ZNF221: variants seen among roughly 807,000 people sequenced by gnomAD.
The protein encoded by ZNF221 is zinc finger protein 221.
Under a neutral mutation model 12.6 loss-of-function variants are expected in ZNF221, and 10 were observed. That is an observed-to-expected ratio of 0.79 (90% confidence interval 0.49 to 1.34). ZNF221 has a LOEUF of 1.34. Ranked by LOEUF, ZNF221 falls within the 40% of genes most tolerant of loss-of-function variation. ZNF221 has a pLI of 0.00. For synonymous variants in ZNF221, 232 were observed against 244.0 expected, an observed-to-expected ratio of 0.95 and a Z score of 0.46; for missense variants, 661 against 721.4, an observed-to-expected ratio of 0.92 and a Z score of 0.96.
chr19:43,957,551 A>G (rs1974777154), intron 1 of ZNF221, among the ~76,000 whole-genome samples: 1 of 152,194 alleles, frequency 6.6e-6, no homozygotes, highest in East Asian at 1.9e-4. Flanking sequence ...AATGATCTAA[A>G]GATTTTCACC....
the ZNF221 span, among the ~76,000 whole-genome samples, chr19:43,980,654 C>G: frequency 3.3e-5 from 5 of 152,192 alleles, no homozygotes; most frequent in African/African-American, 9.7e-5. Context: ...GGTGAAATTT[C>G]CACAAGTTCA....
chr19:43,953,387 C>T (rs577424052), intron 1 of ZNF221, among the ~76,000 whole-genome samples: 1 of 152,188 alleles, frequency 6.6e-6, no homozygotes, highest in African/African-American at 2.4e-5. Context: ...GTATGCCACT[C>T]TCCAGGAACC....
chr19:43,955,670 T>C (rs1437190565), intron 1 of ZNF221, among the ~76,000 whole-genome samples: 2 of 152,218 alleles, frequency 1.3e-5, no homozygotes, highest in Non-Finnish European at 2.9e-5. Flanking sequence ...AGTGGGTTTC[T>C]ACCACCATTC....
downstream of ZNF221, among the ~76,000 whole-genome samples, chr19:43,971,756 C>G (rs1003132022): frequency 3.9e-5 from 6 of 152,126 alleles, no homozygotes; most frequent in Admixed American, 2.0e-4. Context: ...GACCCAGATT[C>G]ATAAAGTAAG....
At position 43,967,193 on chromosome 19, in the gene ZNF221, G is replaced by GT. The variant is rs1242402755; in HGVS notation, c.1692dup (p.Lys565Ter). ...CACGGGGGAGAGCGACCCTATAATTGTAAGGAATGTGGAAAGAGCTTTGGC... is the reference window on the plus strand; with the variant it reads ...CACGGGGGAGAGCGACCCTATAATTGTTAAGGAATGTGGAAAGAGCTTTGGC... On this transcript the variant is annotated frameshift_variant, in exon 5 of 5. Coordinates refer to ENST00000587682, the MANE Select transcript of ZNF221 (RefSeq NM_001297588.2). LOFTEE classifies it low-confidence loss of function (END_TRUNC). 6.3e-7 allele frequency: 1 copy of GT among 1,594,182 alleles called. No individual in the cohort carries two copies.
intron 2 of ZNF221, 21 bp downstream of exon 2, chr19:43,962,828 T>G (rs1974869975): frequency 6.2e-7 from 1 of 1,604,804 alleles, no homozygotes; most frequent in Non-Finnish European, 8.5e-7. Flanking sequence ...CTTGCCTCTC[T>G]TGCTGTTAAA....
chr19:43,967,007 G>C lies in ZNF221; in HGVS notation c.1505G>C (p.Gly502Ala), dbSNP rs1326744764. The C allele has an allele frequency of 1.2e-6, 2 of 1,613,604 alleles. No individual in the cohort carries two copies. Among genetic ancestry groups the C allele is most frequent in the South Asian group, 2.2e-5 (2 of 91,034 alleles). The change falls in exon 5 of 5, where the codon GGG becomes GCG. Residue 502 changes from glycine (G) to alanine (A), a missense_variant. Physicochemically the swap from Gly to Ala is moderately conservative, Grantham distance 60. Transcript: ENST00000587682. The stretch of plus-strand genomic sequence containing the variant: ...TTGAAACATCAGAGACTCCACAGTG[G>C]GGAAAAACCTTTCAAATGTGAAGAG... ...CLLKHQRLHSGEKPFKCEECG... is the reference protein window; with the variant it reads ...CLLKHQRLHSAEKPFKCEECG...
chr19:43,953,369 C>T (rs927785402), intron 1 of ZNF221, among the ~76,000 whole-genome samples: 1 of 151,978 alleles, frequency 6.6e-6, no homozygotes, highest in Non-Finnish European at 1.5e-5. Context: ...GCTTCCATAC[C>T]TTCCTGGGTA....
chr19:43,962,304 T>C (rs1161717400), intron 1 of ZNF221, among the ~76,000 whole-genome samples: 1 of 152,202 alleles, frequency 6.6e-6, no homozygotes, highest in Non-Finnish European at 1.5e-5. Context: ...ATTGGACTCC[T>C]TGTGCTTATG....
At chr19:43,963,422 A>C (rs188573292) in intron 2 of ZNF221, among the ~76,000 whole-genome samples, 131 of 152,364 alleles carry the variant, frequency 8.6e-4, no homozygotes, top group Admixed American at 4.2e-3. Flanking sequence ...GGCACAGCAC[A>C]TGAGGCTCTG....
chr19:43,969,422 C>T (rs1221541550), downstream of ZNF221, among the ~76,000 whole-genome samples: 1 of 143,422 alleles, frequency 7.0e-6, no homozygotes, highest in Admixed American at 7.1e-5. Flanking sequence ...GCTCTTGGTT[C>T]ATGGCAACCT....
At chr19:43,965,411 T>C in intron 4 of ZNF221, 86 bp downstream of exon 4, 1 of 1,240,764 alleles carries the variant, frequency 8.1e-7, no homozygotes, top group Non-Finnish European at 1.1e-6. Context: ...CACCCTGGTC[T>C]AAATTGCCAA....
chr19:43,965,680 G>A (rs916689633), intron 4 of ZNF221, 124 bp from the exon 5 acceptor site: 16 of 901,632 alleles, frequency 1.8e-5, no homozygotes, highest in East Asian at 1.0e-4. Context: ...TAGTGCACTC[G>A]GAAAACATGA....
chr19:43,955,994 GT>G (rs1356844196), intron 1 of ZNF221, among the ~76,000 whole-genome samples: 2 of 152,154 alleles, frequency 1.3e-5, no homozygotes, highest in Non-Finnish European at 2.9e-5. Context: ...GGTATTTCAG[GT>G]GTCAAGATTT....
chr19:43,964,808 G>A, intron 2 of ZNF221, 142 bp from the exon 3 acceptor site: 2 of 1,115,992 alleles, frequency 1.8e-6, no homozygotes, highest in Non-Finnish European at 2.6e-6. Context: ...TAGGCAGAAT[G>A]AGTGGGAAAT....
downstream of ZNF221, among the ~76,000 whole-genome samples, chr19:43,970,253 C>G (rs1294802854): frequency 6.6e-6 from 1 of 152,110 alleles, no homozygotes; most frequent in Admixed American, 6.6e-5. Flanking sequence ...CCCACAAAAA[C>G]CCCATTCAAG....
chr19:43,975,448 A>G, the ZNF221 span, among the ~76,000 whole-genome samples: 1 of 152,330 alleles, frequency 6.6e-6, no homozygotes, highest in East Asian at 1.9e-4. Context: ...ACAGAAAACC[A>G]AACACTGCAT....
chr19:43,969,811 C>T (rs926651903), downstream of ZNF221, among the ~76,000 whole-genome samples: 28 of 152,162 alleles, frequency 1.8e-4, no homozygotes, highest in African/African-American at 6.3e-4. Flanking sequence ...CTCTATGGTT[C>T]GGTTGACAAA....
chr19:43,967,025 G>A lies in ZNF221; in HGVS notation c.1523G>A (p.Cys508Tyr). ...RLHSGEKPFK[C>Y]EECGKRFTQS... ...CACAGTGGGGAAAAACCTTTCAAAT[G>A]TGAAGAGTGTGGAAAGAGATTTACT... is the stretch of plus-strand genomic sequence containing the variant. The change falls in exon 5 of 5, where the codon TGT becomes TAT. Residue 508 changes from cysteine (C) to tyrosine (Y), a missense_variant. Coordinates refer to ENST00000587682, the MANE Select transcript of ZNF221 (RefSeq NM_001297588.2). 11 of 1,595,000 alleles carry A rather than the reference G, an allele frequency of 6.9e-6. No individual in the cohort carries two copies. The highest frequency in any genetic ancestry group is 1.1e-5 in the South Asian group (1 of 89,300).
Sources: gnomAD v4.1 joint callset for allele counts (sites outside exome capture counted in the v4.1 genomes callset) on GRCh38, gnomAD v4.1.1 for gene constraint, MANE v1.5 for transcripts, NCBI Gene and HGNC (gene_info 2026-07-23, HGNC 2026-07-21) for gene names.